The following TTC12 variants were observed in gnomAD, a reference collection of about 807,000 sequenced individuals.
The protein encoded by TTC12 is tetratricopeptide repeat domain 12, also known as tetratricopeptide repeat protein 12.
TTC12 carries 70 observed loss-of-function variants against 90.1 expected under a neutral mutation model. The observed-to-expected ratio is 0.78, with a 90% CI of 0.64 to 0.95. The LOEUF (loss-of-function observed/expected upper bound fraction) is 0.95, where lower values mean the gene tolerates loss of function less well. Among genes scored for constraint, TTC12 ranks in the 40% least tolerant of loss-of-function variants. The probability of loss-of-function intolerance (pLI) is 0.00; values close to 1 mark genes in which losing one functional copy is unlikely to be tolerated. For synonymous variants in TTC12, 296 were observed against 311.5 expected (o/e 0.95, Z 0.53); for missense variants, 819 against 846.1 (o/e 0.97, Z 0.40).
intron 16 of TTC12, among the ~76,000 whole-genome samples, chr11:113,358,354 C>T (rs1591191851): frequency 6.6e-6 from 1 of 152,108 alleles, no homozygotes. Context: ...GGGGAGGGAG[C>T]ATGTGGGCTG....
Position 113,362,434 on chromosome 11 carries a change from T to C in TTC12, c.1648T>C (p.Ser550Pro). ...TGGTGTTCTGAGCCGGACCCTTTCTTCCTCTCTGAAAATTGTTGAGGAGGC... is the reference window on the plus strand; with the variant it reads ...TGGTGTTCTGAGCCGGACCCTTTCTCCCTCTCTGAAAATTGTTGAGGAGGC... ...AAGVLSRTLS[S>P]SLKIVEEALR... Residue 550 changes from serine to proline, a missense_variant, in exon 19 of 22, where the codon TCC becomes CCC. Coordinates refer to ENST00000529221, the MANE Select transcript of TTC12 (RefSeq NM_017868.4). 1 of 1,614,082 alleles carries C rather than the reference T, an allele frequency of 6.2e-7. No homozygotes were observed. The highest frequency in any genetic ancestry group is 8.5e-7 in the Non-Finnish European group (1 of 1,179,942).
intron 7 of TTC12, among the ~76,000 whole-genome samples, chr11:113,331,032 G>A (rs1324766371): frequency 6.6e-6 from 1 of 152,142 alleles, no homozygotes; most frequent in African/African-American, 2.4e-5. Flanking sequence ...TTCTTATTGA[G>A]AGGGTAAGCA....
intron 19 of TTC12, among the ~76,000 whole-genome samples, chr11:113,363,043 A>G (rs1555155888): frequency 2.6e-5 from 4 of 152,346 alleles, no homozygotes; most frequent in South Asian, 2.1e-4. Flanking sequence ...TTAATACACT[A>G]GGCTGCCATC....
At chr11:113,348,201 G>A (rs1320441389) in intron 13 of TTC12, among the ~76,000 whole-genome samples, 1 of 152,034 alleles carries the variant, frequency 6.6e-6, no homozygotes, top group Non-Finnish European at 1.5e-5. Flanking sequence ...ATCAAAATTG[G>A]GTCTTCACAC....
downstream of TTC12, chr11:113,368,105 C>G (rs1950271460): frequency 2.5e-6 from 3 of 1,185,010 alleles, no homozygotes; most frequent in South Asian, 4.3e-5. Flanking sequence ...CTTCTTGGCT[C>G]TTGAAAATGG....
At chr11:113,319,634 C>A (rs1210671652) in intron 2 of TTC12, among the ~76,000 whole-genome samples, 1 of 149,936 alleles carries the variant, frequency 6.7e-6, no homozygotes, top group Non-Finnish European at 1.5e-5. Flanking sequence ...CCAAAGTTTA[C>A]GTGGAAGAGC....
chr11:113,323,267 C>T, intron 2 of TTC12, 21 bp from the exon 3 acceptor site: 3 of 1,565,864 alleles, frequency 1.9e-6, no homozygotes, highest in Non-Finnish European at 2.6e-6. Context: ...TTGATTAAGT[C>T]ACACCTGATT....
chr11:113,330,085 C>G, intron 7 of TTC12, 106 bp downstream of exon 7: 1 of 852,166 alleles, frequency 1.2e-6, no homozygotes, highest in South Asian at 1.4e-5. Flanking sequence ...GTAGCCAGAG[C>G]TTCAGTTTCC....
chr11:113,316,833 T>A (rs548591151), intron 2 of TTC12, among the ~76,000 whole-genome samples: 9 of 152,248 alleles, frequency 5.9e-5, no homozygotes, highest in Non-Finnish European at 1.2e-4. Flanking sequence ...GCAGGTTGGA[T>A]CTCAAAGAAA....
Position 113,323,328 on chromosome 11 carries a change from G to GCAA in TTC12, c.102_104dup (p.Gln35dup). 1 of 1,607,530 alleles carries GCAA rather than the reference G, an allele frequency of 6.2e-7. No homozygotes were observed. Among genetic ancestry groups the GCAA allele is most frequent in the Non-Finnish European group, 8.5e-7 (1 of 1,178,130 alleles). On this transcript the variant is annotated inframe_insertion, in exon 3 of 22. Transcript: ENST00000529221. ...AGATGAATTCTGATGACCCAGTTGT[G>GCAA]CAACAGAAAGCTGTCCTGGAGACAG... is the stretch of plus-strand genomic sequence containing the variant.
At chr11:113,325,823 T>G (rs1015853029) in intron 6 of TTC12, 178 bp downstream of exon 6, 1 of 718,114 alleles carries the variant, frequency 1.4e-6, no homozygotes, top group Non-Finnish European at 2.2e-6. Flanking sequence ...ATGATGCAAA[T>G]ATTCTCACCA....
At chr11:113,322,498 T>C (rs1461046806) in intron 2 of TTC12, among the ~76,000 whole-genome samples, 2 of 152,178 alleles carry the variant, frequency 1.3e-5, no homozygotes, top group Non-Finnish European at 2.9e-5. Context: ...GGCATCTCTT[T>C]CCTCTCTGAA....
At chr11:113,337,448 G>A (rs894137024) in intron 8 of TTC12, among the ~76,000 whole-genome samples, 2 of 152,150 alleles carry the variant, frequency 1.3e-5, no homozygotes, top group Non-Finnish European at 2.9e-5. Flanking sequence ...GCTTTCTAAA[G>A]GAATGGAGGG....
intron 19 of TTC12, 121 bp downstream of exon 19, chr11:113,362,623 T>G: frequency 1.5e-6 from 1 of 686,634 alleles, no homozygotes; most frequent in Non-Finnish European, 2.5e-6. Context: ...CTTGCTAGAT[T>G]TTAAACTTCT....
chr11:113,372,314 T>C (rs1293546697), intron 21 of TTC12, among the ~76,000 whole-genome samples: 5 of 152,250 alleles, frequency 3.3e-5, no homozygotes, highest in Non-Finnish European at 7.3e-5. Flanking sequence ...GCCTCCTTGC[T>C]GATCTCCCCA....
intron 6 of TTC12, among the ~76,000 whole-genome samples, chr11:113,328,162 G>A (rs561557839): frequency 2.3e-4 from 35 of 152,278 alleles, no homozygotes; most frequent in Admixed American, 2.3e-3. Context: ...CCCTGGAAAA[G>A]CCACCACTCC....
At chr11:113,365,344 G>A (rs1312729785) in intron 21 of TTC12, 1 of 399,672 alleles carries the variant, frequency 2.5e-6, no homozygotes, top group Middle Eastern at 7.4e-4. Flanking sequence ...ATTCTCCACT[G>A]TTTTGCATCC....
chr11:113,315,775 G>A (rs1279551307), intron 1 of TTC12, among the ~76,000 whole-genome samples: 1 of 152,200 alleles, frequency 6.6e-6, no homozygotes, highest in African/African-American at 2.4e-5. Flanking sequence ...ACAAGCCAAA[G>A]GCAGATTTTA....
intron 13 of TTC12, among the ~76,000 whole-genome samples, chr11:113,345,096 GTTTA>G (rs1555147674): frequency 6.6e-6 from 1 of 152,020 alleles, no homozygotes; most frequent in African/African-American, 2.4e-5. Flanking sequence ...TAAGTTTTCA[GTTTA>G]TTTATCTTTA....
Sources: allele counts gnomAD v4.1 joint callset (sites outside exome capture counted in the v4.1 genomes callset), GRCh38; gene constraint gnomAD v4.1.1; transcripts MANE v1.5; gene names NCBI Gene and HGNC (gene_info 2026-07-23, HGNC 2026-07-21).